The following PABIR3 variants were observed in gnomAD, a reference collection of about 807,000 sequenced individuals.
PABIR3 encodes PABIR family member 1.
Under a neutral mutation model 23.1 loss-of-function variants are expected in PABIR3, and 20 were observed. The ratio of observed to expected loss-of-function variants is 0.86; its 90% confidence interval spans 0.61 to 1.26. The LOEUF (loss-of-function observed/expected upper bound fraction) is 1.26, where lower values mean the gene tolerates loss of function less well. Among genes scored for constraint, PABIR3 ranks in the 50% most tolerant of loss-of-function variants. The pLI, the probability that PABIR3 is intolerant of heterozygous loss-of-function variation, is 0.00. For synonymous variants in PABIR3, 69 were observed against 68.5 expected (o/e 1.01, Z -0.04); for missense variants, 189 against 195.4 (o/e 0.97, Z 0.20).
chrX:134,841,915 A>G (rs374439332), intron 4 of PABIR3, among the ~76,000 whole-genome samples: 2 of 112,017 alleles, frequency 1.8e-5, no homozygotes, highest in South Asian at 7.4e-4. Flanking sequence ...TAAACCTGGG[A>G]GGCAGAGGTT....
At chrX:134,858,272 A>G (rs1209317328), downstream of PABIR3, among the ~76,000 whole-genome samples, 1 of 111,939 alleles carries the variant, frequency 8.9e-6, no homozygotes, top group Non-Finnish European at 1.9e-5. Flanking sequence ...AATATTTAGA[A>G]GTCTCTAACA....
chrX:134,826,734 C>A (rs1255950181), intron 3 of PABIR3, among the ~76,000 whole-genome samples: 2 of 110,818 alleles, frequency 1.8e-5, no homozygotes, highest in African/African-American at 6.6e-5. Flanking sequence ...ACCCACATAC[C>A]AATTTTCTAT....
In PABIR3 at chrX:134,854,289, G is replaced by C; in HGVS notation, c.*72G>C. On this transcript the variant is annotated 3_prime_UTR_variant, in exon 11 of 11. Coordinates refer to ENST00000645433, the MANE Select transcript of PABIR3 (RefSeq NM_001388447.1). ...ACCAGTGGAGAAACACACACATCAA[G>C]CAAACCAAGTCAGAGCAATGAGAAT... 9.2e-7 allele frequency: 1 copy of C among 1,088,672 alleles called. No individual in the cohort carries two copies. The highest frequency in any genetic ancestry group is 1.2e-6 in the Non-Finnish European group (1 of 812,492). The allele number at this position is 1,088,672 out of a possible 1,213,427, so 89.7% of individuals were successfully genotyped here.
chrX:134,810,697 C>CA (rs1356181499), intron 2 of PABIR3: 1 of 744,725 alleles, frequency 1.3e-6, no homozygotes, highest in Non-Finnish European at 1.6e-6. Context: ...ACTTTTCTCC[C>CA]TTTTTTTTTC....
chrX:134,804,183 C>T (rs1333396793), upstream of PABIR3: 1 of 1,143,052 alleles, frequency 8.7e-7, no homozygotes. Flanking sequence ...CTAACAAAAG[C>T]AGTGTCCCAA....
chrX:134,847,930 G>C lies in PABIR3; in HGVS notation c.486G>C (p.Ser162=). The C allele has an allele frequency of 8.7e-7, 1 of 1,154,719 alleles. No individual in the cohort carries two copies. Among genetic ancestry groups the C allele is most frequent in the South Asian group, 1.9e-5 (1 of 52,654 alleles). Residue 162 remains serine, a synonymous_variant, in exon 8 of 11, where the codon TCG becomes TCC. Transcript: ENST00000645433. The part of the protein sequence containing the change: ...SLQTCVSCTG[S]PSSPIPSPMQ... ...AAACTTGTGTGAGTTGCACTGGTTC[G>C]CCTTCAAGTCCTATTCCCAGTCCTA...
At chrX:134,859,525 C>T (rs1457064820), downstream of PABIR3, among the ~76,000 whole-genome samples, 2 of 111,173 alleles carry the variant, frequency 1.8e-5, no homozygotes, top group Non-Finnish European at 3.8e-5. Context: ...ACAGCACTCA[C>T]CATAAAATTT....
chrX:134,856,247 A>C (rs989323308), downstream of PABIR3, among the ~76,000 whole-genome samples: 1 of 103,681 alleles, frequency 9.6e-6, no homozygotes, highest in Non-Finnish European at 1.9e-5. Context: ...GTGCAGTGGC[A>C]TGATCTCGGC....
intron 3 of PABIR3, among the ~76,000 whole-genome samples, chrX:134,823,918 A>G (rs1053586891): frequency 9.0e-6 from 1 of 111,466 alleles, no homozygotes; most frequent in African/African-American, 3.3e-5. Context: ...GTATGAGGAA[A>G]TAGGTATTCT....
rs188241009 is a variant in PABIR3, at chrX:134,811,896, T to C, written c.111-2875T>C. ...GGCAGAACTGAGGAGTTGCAACAGATACTGTATGGCCCACAAATCCTAAAA... is the reference window on the plus strand; with the variant it reads ...GGCAGAACTGAGGAGTTGCAACAGACACTGTATGGCCCACAAATCCTAAAA... On this transcript the variant is annotated intron_variant, in intron 2 of 10. Coordinates refer to ENST00000645433, the MANE Select transcript of PABIR3 (RefSeq NM_001388447.1). 3.7e-3 allele frequency among the ~76,000 whole-genome samples: 422 copies of C among 112,587 alleles called. 1 individual carries two copies. Among genetic ancestry groups the C allele is most frequent in the African/African-American group, 0.012 (381 of 31,051 alleles).
chrX:134,844,879 T>A (rs755759030), intron 4 of PABIR3, among the ~76,000 whole-genome samples: 1 of 112,418 alleles, frequency 8.9e-6, no homozygotes, highest in African/African-American at 3.2e-5. Flanking sequence ...TTCTCTGTCC[T>A]AGTAGACCTT....
intron 10 of PABIR3, among the ~76,000 whole-genome samples, chrX:134,853,310 C>T (rs1280280423): frequency 9.0e-6 from 1 of 111,717 alleles, no homozygotes; most frequent in Non-Finnish European, 1.9e-5. Flanking sequence ...TCAAGCAATC[C>T]GCTTGCCTTG....
chrX:134,797,810 ATTTTTTT>A (rs200169266), intron 1 of PABIR3, among the ~76,000 whole-genome samples: 4 of 88,076 alleles, frequency 4.5e-5, no homozygotes, highest in Admixed American at 1.2e-4. Flanking sequence ...TGAGATCTGG[ATTTTTTT>A]TTTTTTTTTT....
At chrX:134,836,298 C>A (rs2081972159) in intron 4 of PABIR3, among the ~76,000 whole-genome samples, 1 of 112,101 alleles carries the variant, frequency 8.9e-6, no homozygotes, top group South Asian at 3.7e-4. Flanking sequence ...GCTTGTATTC[C>A]AAAAGATCCG....
At chrX:134,832,077 A>G (rs2081807510) in intron 4 of PABIR3, among the ~76,000 whole-genome samples, 1 of 110,840 alleles carries the variant, frequency 9.0e-6, no homozygotes, top group Admixed American at 9.7e-5. Flanking sequence ...CAGGAGTTCG[A>G]GACCAGTCTG....
upstream of PABIR3, among the ~76,000 whole-genome samples, chrX:134,806,531 G>A (rs1327184478): frequency 9.2e-6 from 1 of 109,008 alleles, no homozygotes; most frequent in African/African-American, 3.3e-5. Flanking sequence ...CAGGAGAATC[G>A]CTTGAACCTG....
Position 134,849,869 on chromosome X carries a change from C to CTTTTTTTTTTTTTTTTTTT in PABIR3, c.589+659_589+660insTTTTTTTTTTTTTTTTTTT, listed in dbSNP as rs374919785. The stretch of plus-strand genomic sequence containing the variant: ...ACCTCACTAAATTATGCTCTTCTTC[C>CTTTTTTTTTTTTTTTTTTT]TTTTTTTTTTTTTTTTTTCTTGAGA... On this transcript the variant is annotated intron_variant, in intron 9 of 10. Coordinates refer to ENST00000645433, the MANE Select transcript of PABIR3 (RefSeq NM_001388447.1). Among the ~76,000 whole-genome samples the CTTTTTTTTTTTTTTTTTTT allele has an allele frequency of 4.4e-4, 26 of 58,851 alleles. 1 individual carries two copies. The highest frequency in any genetic ancestry group is 6.1e-4 in the Admixed American group (2 of 3,253). The allele number at this position is 58,851 out of a possible 115,157, so 51.1% of individuals were successfully genotyped here. A position where few individuals can be genotyped will look rare whatever the true frequency, so the allele number is the denominator to read the frequency against.
At chrX:134,826,303 G>C (rs1025169186) in intron 3 of PABIR3, among the ~76,000 whole-genome samples, 5 of 111,426 alleles carry the variant, frequency 4.5e-5, no homozygotes, top group Non-Finnish European at 9.4e-5. Flanking sequence ...CAAACTCCTT[G>C]TTCTGAAGGT....
In PABIR3 at chrX:134,807,528, C is replaced by T. The variant is rs760450594; in HGVS notation, c.-59-12C>T. On this transcript the variant is annotated splice_polypyrimidine_tract_variant and intron_variant, in intron 1 of 10. Transcript: ENST00000645433. ...TTTGCCTCTCTCCTTACATCACCTG[C>T]CCACTAAGTAGACTTGTCCTTGTGT... 10 of 1,192,466 alleles carry T rather than the reference C, an allele frequency of 8.4e-6. 1 individual carries two copies. In the Admixed American group the frequency reaches 2.3e-4, roughly 27 times the overall value.
Sources: allele counts gnomAD v4.1 joint callset (sites outside exome capture counted in the v4.1 genomes callset), GRCh38; gene constraint gnomAD v4.1.1; transcripts MANE v1.5; gene names NCBI Gene and HGNC (gene_info 2026-07-23, HGNC 2026-07-21).